Variants in CDK14 observed in about 807,000 individuals in gnomAD.
The protein encoded by CDK14 is cyclin-dependent kinase 14.
CDK14 carries 34 observed loss-of-function variants against 60.7 expected under a neutral mutation model. The ratio of observed to expected loss-of-function variants is 0.56; its 90% CI spans 0.43 to 0.75. The LOEUF (loss-of-function observed/expected upper bound fraction) is 0.75, where lower values mean the gene tolerates loss of function less well. Ranked by LOEUF, CDK14 falls within the 30% of genes least tolerant of loss-of-function variation. The pLI is 0.00. For missense variants in CDK14, 482 were observed against 564.1 expected, an observed-to-expected ratio of 0.85 and a Z score of 1.47; for synonymous variants, 197 against 203.7, an observed-to-expected ratio of 0.97 and a Z score of 0.28.
chr7:91,109,623 G>A (rs1799416637), intron 12 of CDK14, among the ~76,000 whole-genome samples: 1 of 152,042 alleles, frequency 6.6e-6, no homozygotes, highest in Non-Finnish European at 1.5e-5. Context: ...ATCACAAAAT[G>A]TAAATGGACT....
chr7:90,725,425 C>T (rs1448547366), intron 2 of CDK14, among the ~76,000 whole-genome samples: 2 of 152,160 alleles, frequency 1.3e-5, no homozygotes, highest in Non-Finnish European at 2.9e-5. Flanking sequence ...TTATACCCCA[C>T]ATGGAGTCAT....
At chr7:90,812,179 G>T (rs189663361) in intron 5 of CDK14, among the ~76,000 whole-genome samples, 1 of 152,312 alleles carries the variant, frequency 6.6e-6, no homozygotes, top group Admixed American at 6.5e-5. Flanking sequence ...TATGTTTATT[G>T]TGGCACTATT....
intron 4 of CDK14, among the ~76,000 whole-genome samples, chr7:90,757,918 T>G (rs1353688334): frequency 6.6e-6 from 1 of 152,154 alleles, no homozygotes; most frequent in Non-Finnish European, 1.5e-5. Flanking sequence ...GTGTAATTCT[T>G]GATTGTGGAG....
At chr7:90,963,835 C>G (rs1420103933) in intron 9 of CDK14, among the ~76,000 whole-genome samples, 2 of 151,292 alleles carry the variant, frequency 1.3e-5, no homozygotes, top group Non-Finnish European at 2.9e-5. Flanking sequence ...CCTGCCTCAG[C>G]CTCCTGACTA....
chr7:91,065,039 A>C (rs949621167), intron 11 of CDK14, among the ~76,000 whole-genome samples: 1 of 152,232 alleles, frequency 6.6e-6, no homozygotes, highest in African/African-American at 2.4e-5. Context: ...TCTATGTTAG[A>C]AACACAAATG....
intron 3 of CDK14, among the ~76,000 whole-genome samples, chr7:90,733,221 TC>T (rs559175843): frequency 6.6e-6 from 1 of 152,160 alleles, no homozygotes; most frequent in Non-Finnish European, 1.5e-5. Flanking sequence ...TGATTTCCAT[TC>T]TTTTGCATTT....
chr7:90,630,063 A>G (rs1289710646), intron 2 of CDK14, among the ~76,000 whole-genome samples: 1 of 150,518 alleles, frequency 6.6e-6, no homozygotes, highest in Non-Finnish European at 1.5e-5. Context: ...AAAACAAAAC[A>G]AAACAAAACA....
At chr7:90,797,276 C>T (rs1215706129) in intron 5 of CDK14, among the ~76,000 whole-genome samples, 1 of 151,784 alleles carries the variant, frequency 6.6e-6, no homozygotes, top group East Asian at 2.0e-4. Context: ...AGCCACTCTC[C>T]TTAACTTGTA....
intron 5 of CDK14, among the ~76,000 whole-genome samples, chr7:90,806,464 A>G (rs1788839137): frequency 6.6e-6 from 1 of 152,246 alleles, no homozygotes; most frequent in African/African-American, 2.4e-5. Context: ...ATTTGAATAG[A>G]CATTTCAGCA....
At chr7:90,670,327 C>G (rs1801070011) in intron 2 of CDK14, among the ~76,000 whole-genome samples, 1 of 152,086 alleles carries the variant, frequency 6.6e-6, no homozygotes, top group Non-Finnish European at 1.5e-5. Context: ...GTATTGTAGC[C>G]TAGATAGGCT....
chr7:91,098,550 A>G (rs1171410429), intron 12 of CDK14, among the ~76,000 whole-genome samples: 2 of 152,028 alleles, frequency 1.3e-5, no homozygotes, highest in Non-Finnish European at 2.9e-5. Context: ...AAATAAAGGC[A>G]AAAAGAGATG....
Position 90,596,635 on chromosome 7 carries a change from A to C in CDK14, c.8A>C (p.Asp3Ala). The change falls in exon 1 of 15, where the codon GAC (aspartate) becomes GCC (alanine). Residue 3 changes from aspartate to alanine, a missense_variant. Asp to Ala is a moderately radical substitution (Grantham distance 126, BLOSUM62 -2). Transcript: ENST00000380050. ...GGGCTCCGCGTCGCCCAGATGTGTG[A>C]CCTCATTGAGCCGCAGCCGGCCGAG... MC[D>A]LIEPQPAEKI... 2 of 1,611,002 alleles carry C rather than the reference A, an allele frequency of 1.2e-6. No homozygotes were observed. The highest frequency in any genetic ancestry group is 1.7e-6 in the Non-Finnish European group (2 of 1,178,662).
chr7:90,919,918 G>A (rs1039415953), intron 8 of CDK14, among the ~76,000 whole-genome samples: 1 of 152,248 alleles, frequency 6.6e-6, no homozygotes, highest in African/African-American at 2.4e-5. Context: ...CCAGACTGCT[G>A]TGCAGAAGGA....
chr7:90,969,737 A>G (rs1339600016), intron 9 of CDK14, among the ~76,000 whole-genome samples: 5 of 152,204 alleles, frequency 3.3e-5, no homozygotes, highest in Non-Finnish European at 7.3e-5. Flanking sequence ...CCATAATACA[A>G]GAAATAATAT....
At chr7:91,008,309 C>A (rs540766287) in intron 10 of CDK14, among the ~76,000 whole-genome samples, 1 of 152,118 alleles carries the variant, frequency 6.6e-6, no homozygotes, top group East Asian at 1.9e-4. Flanking sequence ...CCAGAATAAT[C>A]AAGGGTGAGA....
chr7:91,079,442 C>G lies in CDK14; in HGVS notation c.1116C>G (p.Thr372=). The G allele has an allele frequency of 1.3e-6, 2 of 1,595,790 alleles. No homozygotes were observed. The highest frequency in any genetic ancestry group is 1.1e-5 in the South Asian group (1 of 89,842). The change falls in exon 12 of 15, where the codon ACC becomes ACG. Residue 372 remains threonine, a synonymous_variant. Transcript: ENST00000380050. ...TCTTTTTTATTTCAGAACGCTTTAC[C>G]CTGTACAGCTCTAAAAACCTTAGAC... ...SLPHFKPERF[T]LYSSKNLRQA...
chr7:90,981,501 A>C (rs1026682105), intron 9 of CDK14, among the ~76,000 whole-genome samples: 1 of 152,256 alleles, frequency 6.6e-6, no homozygotes, highest in South Asian at 2.1e-4. Flanking sequence ...CATGTGGTAC[A>C]ATAGGGAAGC....
At chr7:90,814,469 TG>T (rs1251378227) in intron 5 of CDK14, among the ~76,000 whole-genome samples, 4 of 152,040 alleles carry the variant, frequency 2.6e-5, no homozygotes, top group Admixed American at 2.6e-4. Flanking sequence ...TAACCCAATA[TG>T]AGCAAAAAAC....
intron 11 of CDK14, among the ~76,000 whole-genome samples, chr7:91,072,199 G>A (rs697398): frequency 0.57 from 86,436 of 152,014 alleles, 25,775 homozygotes; most frequent in East Asian, 0.89. Context: ...CCTGCTCCCC[G>A]TGCCACCCAA....
Sources: allele counts gnomAD v4.1 joint callset (sites outside exome capture counted in the v4.1 genomes callset), GRCh38; gene constraint gnomAD v4.1.1; transcripts MANE v1.5; gene names NCBI Gene and HGNC (gene_info 2026-07-23, HGNC 2026-07-21).